Variants in GNA11 observed in about 807,000 individuals in gnomAD.
The protein encoded by GNA11 is G protein subunit alpha 11.
A neutral mutation model predicts 38.2 loss-of-function variants in GNA11; 8 were observed. The observed-to-expected ratio is 0.21, with a 90% confidence interval of 0.12 to 0.38. The LOEUF is 0.38. GNA11 is among the 10% of genes least tolerant of loss of function. The probability of loss-of-function intolerance (pLI) is 1.00; values close to 1 mark genes in which losing one functional copy is unlikely to be tolerated. For synonymous variants in GNA11, 211 were observed against 221.4 expected (o/e 0.95, Z 0.42); for missense variants, 268 against 516.3 (o/e 0.52, Z 4.66).
At position 3,118,908 on chromosome 19, in the gene GNA11, C is replaced by T. The variant is rs760030169; in HGVS notation, c.606-16C>T. On this transcript the variant is annotated splice_polypyrimidine_tract_variant and intron_variant, in intron 4 of 6. Transcript: ENST00000078429. The stretch of plus-strand genomic sequence containing the variant: ...GGGGCGCCAGGTGGCTGAGTCCTGG[C>T]GCTGTGTCCTTTCAGGATGGTGGAT... 8.1e-6 allele frequency: 13 copies of T among 1,606,810 alleles called. No individual in the cohort carries two copies. In the Admixed American group the frequency reaches 1.3e-4, roughly 17 times the overall value.
chr19:3,110,332 A>T lies in GNA11; in HGVS notation c.320A>T (p.Lys107Met), dbSNP rs1051216341. 1 of 1,608,072 alleles carries T rather than the reference A, an allele frequency of 6.2e-7. No individual in the cohort carries two copies. The highest frequency in any genetic ancestry group is 1.7e-5 in the Admixed American group (1 of 59,924). The change falls in exon 2 of 7, where the codon AAG becomes ATG. Residue 107 changes from lysine (K) to methionine (M), a missense_variant and splice_region_variant. Lys to Met is a moderately conservative substitution (Grantham distance 95). Transcript: ENST00000078429. The surrounding 1 kb of genome is among the most constrained non-coding windows in gnomAD (Gnocchi z 5.4). ...LKILYKYEQN[K>M]ANALLIREVD... ...ATCCTCTACAAGTACGAGCAGAACA[A>T]GGTGAGCCCGCGGGCGCCTGGGGAG...
At position 3,118,640 on chromosome 19, in the gene GNA11, C is replaced by T. The variant is rs12459306; in HGVS notation, c.606-284C>T. On this transcript the variant is annotated intron_variant, in intron 4 of 6. Transcript: ENST00000078429. ...GCAGGTTCCCGCAGCAGCTGGCGCCCAGAATCCTCTGGGTTCTCACACCCC... is the reference window on the plus strand; with the variant it reads ...GCAGGTTCCCGCAGCAGCTGGCGCCTAGAATCCTCTGGGTTCTCACACCCC... 14,287 of 385,052 alleles carry T rather than the reference C, an allele frequency of 0.037. 1,036 individuals are homozygous for T. The highest frequency in any genetic ancestry group is 0.19 in the Admixed American group (4,553 of 24,324). 23.9% of individuals were successfully genotyped at this position (385,052 alleles called of 1,614,324 possible). A position where few individuals can be genotyped will look rare whatever the true frequency, so the allele number is the denominator to read the frequency against.
intron 4 of GNA11, 22 bp from the exon 5 acceptor site, chr19:3,118,902 T>C: frequency 6.2e-7 from 1 of 1,606,480 alleles, no homozygotes; most frequent in South Asian, 1.1e-5. Flanking sequence ...GGTGGCTGAG[T>C]CCTGGCGCTG....
At position 3,122,717 on chromosome 19, in the gene GNA11, C is replaced by T. The variant is rs912602526; in HGVS notation, c.*1538C>T. ...GACCCTGCACGGCTGCTTCTGGCCT[C>T]GACAGATGACAAAAGAAACAGCCCC... On this transcript the variant is annotated 3_prime_UTR_variant, in exon 7 of 7. Coordinates refer to ENST00000078429, the MANE Select transcript of GNA11 (RefSeq NM_002067.5). This position sits in a 1 kb window ranked among gnomAD's most constrained non-coding sequence, Gnocchi z 7.7. The T allele has an allele frequency of 2.1e-5, 5 of 233,442 alleles. No individual in the cohort carries two copies. The highest frequency in any genetic ancestry group is 6.0e-5 in the East Asian group (1 of 16,602). The allele number at this position is 233,442 out of a possible 1,614,324, so 14.5% of individuals were successfully genotyped here.
intron 2 of GNA11, among the ~76,000 whole-genome samples, chr19:3,112,540 GC>G (rs1231301630): frequency 6.6e-6 from 1 of 152,200 alleles, no homozygotes; most frequent in Non-Finnish European, 1.5e-5. Context: ...GGAAAGGATG[GC>G]CCCCCCACAG....
chr19:3,116,618 A>G (rs752796960), intron 4 of GNA11, among the ~76,000 whole-genome samples: 1 of 152,180 alleles, frequency 6.6e-6, no homozygotes, highest in African/African-American at 2.4e-5. Context: ...TATCCTAACC[A>G]GTGACATCCG....
chr19:3,095,092 A>G (rs992987247), intron 1 of GNA11, among the ~76,000 whole-genome samples: 4 of 150,012 alleles, frequency 2.7e-5, no homozygotes, highest in Admixed American at 1.3e-4. Flanking sequence ...TTTGCTGTCT[A>G]GGTCGGCACC....
chr19:3,112,508 G>A (rs77287629), intron 2 of GNA11, among the ~76,000 whole-genome samples: 2,797 of 152,316 alleles, frequency 0.018, 81 homozygotes, highest in African/African-American at 0.053. Flanking sequence ...CCCCGGGGAC[G>A]GGGACACAGA....
chr19:3,109,917 G>T (rs1350972651), intron 1 of GNA11, among the ~76,000 whole-genome samples: 2 of 152,176 alleles, frequency 1.3e-5, no homozygotes, highest in African/African-American at 4.8e-5. Flanking sequence ...AGAACTTCTG[G>T]AAAAGGGGTG....
At chr19:3,095,595 TC>T (rs976726335) in intron 1 of GNA11, among the ~76,000 whole-genome samples, 9 of 151,946 alleles carry the variant, frequency 5.9e-5, no homozygotes, top group African/African-American at 1.9e-4. Flanking sequence ...TCTCCTGCCT[TC>T]CTGTTCCGGG....
intron 2 of GNA11, among the ~76,000 whole-genome samples, chr19:3,111,282 C>A (rs900748877): frequency 6.6e-6 from 1 of 152,154 alleles, no homozygotes; most frequent in Non-Finnish European, 1.5e-5. Flanking sequence ...TTCCAGATTT[C>A]ATTTTCTCAA....
Position 3,108,373 on chromosome 19 carries a change from G to A in GNA11, c.137-1776G>A, listed in dbSNP as rs1462564088. On this transcript the variant is annotated intron_variant, in intron 1 of 6. Transcript: ENST00000078429. The surrounding 1 kb of genome is among the most constrained non-coding windows in gnomAD (Gnocchi z 4.5). Reference sequence around the variant, plus strand: ...TTGGGGGCTTTCTAGAGCAGAGGCTGTGAGAGGAAGTGAGCTGGGTCCCAG... The same window carrying A: ...TTGGGGGCTTTCTAGAGCAGAGGCTATGAGAGGAAGTGAGCTGGGTCCCAG... Among the ~76,000 whole-genome samples the A allele has an allele frequency of 1.3e-5, 2 of 152,208 alleles. No homozygotes were observed. Among genetic ancestry groups the A allele is most frequent in the Non-Finnish European group, 2.9e-5 (2 of 68,042 alleles).
At chr19:3,105,275 C>A (rs1423487734) in intron 1 of GNA11, among the ~76,000 whole-genome samples, 1 of 152,158 alleles carries the variant, frequency 6.6e-6, no homozygotes, top group Non-Finnish European at 1.5e-5. Flanking sequence ...CATTTTGTCA[C>A]CGTCTCAGTC....
rs541263700 is a variant in GNA11, at chr19:3,108,097, G to A, written c.137-2052G>A. 2.6e-5 allele frequency among the ~76,000 whole-genome samples: 4 copies of A among 152,330 alleles called. No homozygotes were observed. Among genetic ancestry groups the A allele is most frequent in the Admixed American group, 1.3e-4 (2 of 15,304 alleles). Reference sequence around the variant, plus strand: ...CTGGGGAGAGGCAGCTGCCACCGGGGCTCCCCACTCGGGATGTGTTGGGTG... The same window carrying A: ...CTGGGGAGAGGCAGCTGCCACCGGGACTCCCCACTCGGGATGTGTTGGGTG... On this transcript the variant is annotated intron_variant, in intron 1 of 6. Transcript: ENST00000078429. The surrounding 1 kb of genome is among the most constrained non-coding windows in gnomAD (Gnocchi z 4.5).
At chr19:3,106,141 G>A (rs1306014897) in intron 1 of GNA11, among the ~76,000 whole-genome samples, 1 of 152,162 alleles carries the variant, frequency 6.6e-6, no homozygotes, top group Admixed American at 6.5e-5. Flanking sequence ...GCCCGAGTTG[G>A]GGCTGTGGCT....
intron 1 of GNA11, among the ~76,000 whole-genome samples, chr19:3,107,793 G>T (rs775432967): frequency 6.6e-6 from 1 of 152,098 alleles, no homozygotes; most frequent in Non-Finnish European, 1.5e-5. Context: ...GTTCAGCACC[G>T]GTCAGTAGAG....
At chr19:3,113,700 A>G (rs976984343) in intron 3 of GNA11, among the ~76,000 whole-genome samples, 1 of 152,140 alleles carries the variant, frequency 6.6e-6, no homozygotes, top group Admixed American at 6.5e-5. Flanking sequence ...CTGGTGTGAC[A>G]CTGGCCTGCT....
chr19:3,114,553 G>T (rs1349964208), intron 3 of GNA11, among the ~76,000 whole-genome samples: 1 of 152,146 alleles, frequency 6.6e-6, no homozygotes, highest in Non-Finnish European at 1.5e-5. Flanking sequence ...GCGCTTGTTT[G>T]TGAAGCCTCA....
intron 1 of GNA11, among the ~76,000 whole-genome samples, chr19:3,095,819 C>G (rs748022628): frequency 1.1e-4 from 17 of 152,102 alleles, no homozygotes; most frequent in Non-Finnish European, 2.5e-4. Flanking sequence ...CAGCCCCCCA[C>G]CTGCCGGCTC....
Sources: allele counts gnomAD v4.1 joint callset (sites outside exome capture counted in the v4.1 genomes callset), GRCh38; gene constraint gnomAD v4.1.1; non-coding constraint Gnocchi (gnomAD v3.1); transcripts MANE v1.5; gene names NCBI Gene and HGNC (gene_info 2026-07-23, HGNC 2026-07-21).